Variants in SCAP observed in about 807,000 individuals in gnomAD.
SCAP encodes sterol regulatory element-binding protein cleavage-activating protein.
In SCAP, 65 loss-of-function variants were observed where a neutral mutation model predicts 123.6. That is an observed-to-expected ratio of 0.53 (90% CI 0.43 to 0.65). The LOEUF (loss-of-function observed/expected upper bound fraction) is 0.65. Among genes scored for constraint, SCAP ranks in the 30% least tolerant of loss-of-function variants. The probability of loss-of-function intolerance (pLI) is 0.00; values close to 1 mark genes in which losing one functional copy is unlikely to be tolerated. For synonymous variants in SCAP, 740 were observed against 726.3 expected (o/e 1.02, Z -0.30); for missense variants, 1,398 against 1,712.5 (o/e 0.82, Z 3.24).
At chr3:47,425,357 A>C in intron 8 of SCAP, 128 bp downstream of exon 8, 1 of 1,018,722 alleles carries the variant, frequency 9.8e-7, no homozygotes, top group Non-Finnish European at 1.4e-6. Flanking sequence ...GTACCTCTTA[A>C]ATGTCAAAAA....
chr3:47,414,967 C>A lies in SCAP; in HGVS notation c.3166G>T (p.Ala1056Ser). 1 of 1,602,288 alleles carries A rather than the reference C, an allele frequency of 6.2e-7. No individual in the cohort carries two copies. The change falls in exon 20 of 23, where the codon GCC becomes TCC. Residue 1056 changes from alanine (A) to serine (S), a missense_variant. Physicochemically the swap from Ala to Ser is moderately conservative, Grantham distance 99 (BLOSUM62 1). Transcript: ENST00000265565. ...RGTPGRGSSP[A>S]SPVYSSSDTV... ...TCGCTGCTGCTGTACACTGGAGAGG[C>A]AGGGGAACTGCCCCGCCCTGGGGTC...
At chr3:47,469,958 G>T in intron 1 of SCAP, 1 of 357,282 alleles carries the variant, frequency 2.8e-6, no homozygotes. Flanking sequence ...AGAGAGAAGC[G>T]GTTTTGAAAG....
Position 47,443,077 on chromosome 3 carries a change from A to C in SCAP, c.-84T>G. 1 of 1,596,230 alleles carries C rather than the reference A, an allele frequency of 6.3e-7. No individual in the cohort carries two copies. Among genetic ancestry groups the C allele is most frequent in the South Asian group, 1.1e-5 (1 of 88,670 alleles). On this transcript the variant is annotated 5_prime_UTR_variant, in exon 2 of 23. Transcript: ENST00000265565. ...ACACTTGACAGCACTGACAAAGAACAACATGTGCAGGTACCTGGTAAGAAG... is the reference window on the plus strand; with the variant it reads ...ACACTTGACAGCACTGACAAAGAACCACATGTGCAGGTACCTGGTAAGAAG...
At chr3:47,472,354 A>G (rs1195786035) in intron 1 of SCAP, among the ~76,000 whole-genome samples, 1 of 150,852 alleles carries the variant, frequency 6.6e-6, no homozygotes, top group African/African-American at 2.4e-5. Context: ...GAATGGCGTA[A>G]ACCCGGGAAG....
intron 1 of SCAP, among the ~76,000 whole-genome samples, chr3:47,446,033 G>A (rs1036229935): frequency 4.1e-5 from 6 of 147,432 alleles, no homozygotes; most frequent in African/African-American, 7.6e-5. Flanking sequence ...GCGCCACCAC[G>A]CCCAGCTAAT....
Position 47,426,108 on chromosome 3 carries a change from G to T in SCAP, c.799C>A (p.Arg267=). ...TGCACGTGGACCAGGCTCTCCGCCC[G>T]AAGGCTGCAGTTGGGGCTGGGGTGC... ...LLHPSPNCSL[R]AESLVHVHFK... The change falls in exon 7 of 23, where the codon CGG becomes AGG. Residue 267 remains arginine, a synonymous_variant. Transcript: ENST00000265565. 1.9e-6 allele frequency: 3 copies of T among 1,613,998 alleles called. No individual in the cohort carries two copies. The highest frequency in any genetic ancestry group is 2.5e-6 in the Non-Finnish European group (3 of 1,179,942).
At chr3:47,461,749 C>T (rs1707646721) in intron 1 of SCAP, among the ~76,000 whole-genome samples, 1 of 152,070 alleles carries the variant, frequency 6.6e-6, no homozygotes, top group Admixed American at 6.6e-5. Context: ...TAAGAGCAGT[C>T]TAGGCCGGGC....
chr3:47,463,745 C>T (rs967501468), intron 1 of SCAP, among the ~76,000 whole-genome samples: 4 of 152,074 alleles, frequency 2.6e-5, no homozygotes, highest in African/African-American at 9.7e-5. Flanking sequence ...AAAACAGGGG[C>T]TTAGCCTTGT....
intron 1 of SCAP, among the ~76,000 whole-genome samples, chr3:47,448,102 G>C (rs1707120863): frequency 6.7e-6 from 1 of 150,180 alleles, no homozygotes; most frequent in African/African-American, 2.4e-5. Context: ...GGCATGTTGA[G>C]TCTTCCAATC....
intron 1 of SCAP, among the ~76,000 whole-genome samples, chr3:47,465,174 T>C (rs1707778372): frequency 6.6e-6 from 1 of 151,880 alleles, no homozygotes; most frequent in African/African-American, 2.4e-5. Context: ...TATTCTTTTT[T>C]TTTTTTCTTT....
chr3:47,424,416 C>T (rs1001400561), intron 8 of SCAP, among the ~76,000 whole-genome samples: 1 of 152,220 alleles, frequency 6.6e-6, no homozygotes, highest in Non-Finnish European at 1.5e-5. Context: ...CCAAGACCCA[C>T]ACCAGTAACT....
chr3:47,443,186 G>A, intron 1 of SCAP, 95 bp from the exon 2 acceptor site: 1 of 898,164 alleles, frequency 1.1e-6, no homozygotes, highest in Non-Finnish European at 1.6e-6. Flanking sequence ...GCTGGGGAAT[G>A]GTTTCAGAAT....
At chr3:47,454,824 A>C (rs776105953) in intron 1 of SCAP, among the ~76,000 whole-genome samples, 9 of 151,600 alleles carry the variant, frequency 5.9e-5, no homozygotes, top group Admixed American at 6.6e-5. Flanking sequence ...ATCTTTCTCA[A>C]TCTCAAAGCT....
chr3:47,464,321 T>A (rs1054227428), intron 1 of SCAP, among the ~76,000 whole-genome samples: 4 of 151,468 alleles, frequency 2.6e-5, no homozygotes, highest in African/African-American at 9.7e-5. Flanking sequence ...AGGCTTTTTT[T>A]ATTTTTTGTA....
chr3:47,433,869 A>G (rs1035756381), intron 3 of SCAP, among the ~76,000 whole-genome samples: 13 of 152,104 alleles, frequency 8.5e-5, no homozygotes, highest in Admixed American at 1.3e-4. Context: ...ACTCCATCTC[A>G]AAACAATAAA....
chr3:47,431,350 T>C (rs918422211), intron 3 of SCAP, among the ~76,000 whole-genome samples: 3 of 10,006 alleles, frequency 3.0e-4, no homozygotes, highest in Non-Finnish European at 1.1e-3. Context: ...AAGAAGGACA[T>C]TTCATCTCTG....
At position 47,428,648 on chromosome 3, in the gene SCAP, T is replaced by A; in HGVS notation, c.275A>T (p.Tyr92Phe). 1 of 1,614,000 alleles carries A rather than the reference T, an allele frequency of 6.2e-7. No individual in the cohort carries two copies. The highest frequency in any genetic ancestry group is 8.5e-7 in the Non-Finnish European group (1 of 1,179,978). ...GGACTTCACAAATATCTGCTGGACA[T>A]AAGCCACCGGGGCACCCACATACTG... ...PEWYVGAPVAYVQQIFVKSSV... is the reference protein window; with the variant it reads ...PEWYVGAPVAFVQQIFVKSSV... Residue 92 changes from tyrosine (Y) to phenylalanine (F), a missense_variant, in exon 4 of 23, where the codon TAT (tyrosine) becomes TTT (phenylalanine). Physicochemically the swap from Tyr to Phe is conservative, Grantham distance 22. This residue lies in a region of SCAP where 319 missense variants were observed against 432.4 expected (regional missense o/e 0.74). Coordinates refer to ENST00000265565, the MANE Select transcript of SCAP (RefSeq NM_012235.4).
chr3:47,415,250 A>C, intron 18 of SCAP, 70 bp from the exon 19 acceptor site: 1 of 1,433,822 alleles, frequency 7.0e-7, no homozygotes, highest in South Asian at 1.4e-5. Flanking sequence ...GCATGTGGAC[A>C]TGAGAGTTAA....
intron 1 of SCAP, among the ~76,000 whole-genome samples, chr3:47,472,764 C>T (rs1203725257): frequency 1.3e-5 from 2 of 152,022 alleles, no homozygotes; most frequent in African/African-American, 2.4e-5. Flanking sequence ...TCTTCCACTA[C>T]CCTTACCTGC....
Sources: allele counts gnomAD v4.1 joint callset (sites outside exome capture counted in the v4.1 genomes callset), GRCh38; gene constraint gnomAD v4.1.1; regional missense constraint gnomAD v4.1.1; transcripts MANE v1.5; gene names NCBI Gene and HGNC (gene_info 2026-07-23, HGNC 2026-07-21).